The following ELF1 variants were observed in gnomAD, a reference collection of about 807,000 sequenced individuals.
ELF1 encodes the protein ETS-related transcription factor Elf-1.
ELF1 carries 24 observed loss-of-function variants against 59.9 expected under a neutral mutation model. The ratio of observed to expected loss-of-function variants is 0.40; its 90% CI spans 0.29 to 0.56. The LOEUF (loss-of-function observed/expected upper bound fraction) is 0.56. Among genes scored for constraint, ELF1 ranks in the 20% least tolerant of loss-of-function variants. The pLI is 0.44. For missense variants in ELF1, 627 were observed against 742.2 expected (o/e 0.84, Z 1.80); for synonymous variants, 248 against 266.2 (o/e 0.93, Z 0.67).
intron 2 of ELF1, among the ~76,000 whole-genome samples, chr13:40,969,751 G>A (rs1319870794): frequency 6.6e-6 from 1 of 152,114 alleles, no homozygotes; most frequent in African/African-American, 2.4e-5. Context: ...GAGACTCCAG[G>A]CTAGAGTGCA....
chr13:40,956,878 A>C (rs1251245308), intron 3 of ELF1, among the ~76,000 whole-genome samples: 1 of 151,296 alleles, frequency 6.6e-6, no homozygotes, highest in Non-Finnish European at 1.5e-5. Flanking sequence ...TTGTAGTAGA[A>C]ACAGGATTTC....
chr13:40,972,627 T>C (rs1872636813), intron 2 of ELF1, among the ~76,000 whole-genome samples: 1 of 152,220 alleles, frequency 6.6e-6, no homozygotes. Flanking sequence ...GACTGTTCCA[T>C]GTACCATGCT....
chr13:41,060,004 G>T (rs1210125404), intron 1 of ELF1, among the ~76,000 whole-genome samples: 1 of 152,172 alleles, frequency 6.6e-6, no homozygotes, highest in Non-Finnish European at 1.5e-5. Context: ...TAAAGGGAAA[G>T]AAAAAAGATT....
intron 3 of ELF1, among the ~76,000 whole-genome samples, chr13:40,953,929 A>G (rs1357519780): frequency 6.6e-6 from 1 of 152,184 alleles, no homozygotes; most frequent in Non-Finnish European, 1.5e-5. Flanking sequence ...TGATGACTAG[A>G]ACTAGGAAGA....
chr13:41,000,472 C>T (rs1199328242), intron 1 of ELF1, among the ~76,000 whole-genome samples: 4 of 138,054 alleles, frequency 2.9e-5, no homozygotes, highest in South Asian at 4.7e-4. Context: ...TCCGCTTGCT[C>T]GGCCTCCCAA....
intron 1 of ELF1, among the ~76,000 whole-genome samples, chr13:41,011,145 T>C (rs1197810916): frequency 6.6e-6 from 1 of 152,234 alleles, no homozygotes; most frequent in Non-Finnish European, 1.5e-5. Context: ...TCTGGTTAGA[T>C]TCAACAATCT....
At position 41,045,130 on chromosome 13, in the gene ELF1, C is replaced by T. The variant is rs188503619; in HGVS notation, c.-229+15708G>A. 9.4e-4 allele frequency among the ~76,000 whole-genome samples: 143 copies of T among 151,940 alleles called. 1 individual carries two copies. Among genetic ancestry groups the T allele is most frequent in the African/African-American group, 3.4e-3 (140 of 41,440 alleles). On this transcript the variant is annotated intron_variant, in intron 1 of 1. Coordinates refer to the ELF1 transcript ENST00000405737. ...ATGGTAGTTTTCATTTCTGTGGTAT[C>T]AGTTGTGATATCCCCTTTATCATTT...
Position 41,047,279 on chromosome 13 carries a change from G to T in ELF1, c.-229+13559C>A, listed in dbSNP as rs555294002. Among the ~76,000 whole-genome samples the T allele has an allele frequency of 2.6e-5, 4 of 152,290 alleles. No homozygotes were observed. The East Asian group carries it at 7.7e-4, about 29-fold the overall frequency. On this transcript the variant is annotated intron_variant, in intron 1 of 1. Transcript: ENST00000405737. The stretch of plus-strand genomic sequence containing the variant: ...GTCTGAAGCCTTCTTCTCTCAACTC[G>T]TCAAAGTCATTCTCCGTCCAGCTTT...
chr13:41,017,868 T>C (rs1875502594), intron 1 of ELF1, among the ~76,000 whole-genome samples: 1 of 152,186 alleles, frequency 6.6e-6, no homozygotes, highest in Non-Finnish European at 1.5e-5. Context: ...AGCTTTTGCT[T>C]ACTCAAAGGC....
intron 1 of ELF1, among the ~76,000 whole-genome samples, chr13:41,005,507 C>CT (rs1431832293): frequency 4.8e-5 from 7 of 146,416 alleles, no homozygotes; most frequent in African/African-American, 1.8e-4. Context: ...AAGCAACTGA[C>CT]TATCAACAAA....
At chr13:41,060,944 C>CGCCGCCGCTGCT in exon 1 of ELF1, 1 of 265,164 alleles carries the variant, frequency 3.8e-6, no homozygotes, top group African/African-American at 2.3e-5. Flanking sequence ...CCGCCGCCGC[C>CGCCGCCGCTGCT]GCTGCTGCTG....
At chr13:40,992,849 C>T in intron 1 of ELF1, 1 of 554,762 alleles carries the variant, frequency 1.8e-6, no homozygotes, top group South Asian at 2.1e-5. Flanking sequence ...ACCTCTCTAA[C>T]TCAAGAATTC....
intron 2 of ELF1, among the ~76,000 whole-genome samples, chr13:40,977,536 T>C (rs1040396760): frequency 6.6e-6 from 1 of 152,170 alleles, no homozygotes; most frequent in Non-Finnish European, 1.5e-5. Flanking sequence ...ACCCTATTAA[T>C]AGTGTCAGTT....
intron 1 of ELF1, among the ~76,000 whole-genome samples, chr13:41,003,325 C>T (rs1241176751): frequency 6.6e-6 from 1 of 152,142 alleles, no homozygotes; most frequent in African/African-American, 2.4e-5. Flanking sequence ...AACAAAATAA[C>T]TATTTGGTTC....
At chr13:41,001,523 A>G (rs1464169082) in intron 1 of ELF1, among the ~76,000 whole-genome samples, 2 of 152,204 alleles carry the variant, frequency 1.3e-5, no homozygotes, top group Middle Eastern at 3.2e-3. Flanking sequence ...AAGTCTTCAA[A>G]ATAGAATATA....
chr13:40,967,438 GAAT>G (rs1395692589), intron 2 of ELF1, among the ~76,000 whole-genome samples: 1 of 152,146 alleles, frequency 6.6e-6, no homozygotes, highest in Non-Finnish European at 1.5e-5. Flanking sequence ...ATTGTTGTAA[GAAT>G]AATGTGTAAA....
At chr13:40,995,483 T>C (rs1475655358) in intron 1 of ELF1, among the ~76,000 whole-genome samples, 2 of 152,016 alleles carry the variant, frequency 1.3e-5, no homozygotes, top group Middle Eastern at 3.2e-3. Flanking sequence ...CTATAACCTA[T>C]AGTAATCAAG....
intron 1 of ELF1, among the ~76,000 whole-genome samples, chr13:41,018,051 CT>C (rs1281813380): frequency 6.6e-6 from 1 of 152,198 alleles, no homozygotes; most frequent in Non-Finnish European, 1.5e-5. Flanking sequence ...TCCCTTTAAT[CT>C]GACAGGCCTT....
rs9532686 is a variant in ELF1 at position 40,955,240 on chromosome 13, A to C, written c.253+3596T>G. On this transcript the variant is annotated intron_variant, in intron 3 of 8. Transcript: ENST00000239882. ...CCACTCCGTCTGGGAAGTGAGGAGC[A>C]TCTCCGCCTGGCAGCCACCCCGTCT... Among the ~76,000 whole-genome samples the C allele has an allele frequency of 1.8e-3, 258 of 140,030 alleles. 6 individuals carry two copies. The highest frequency in any genetic ancestry group is 6.6e-3 in the African/African-American group (246 of 37,304). The allele number at this position is 140,030 out of a possible 152,430, so 91.9% of individuals were successfully genotyped here. A position where few individuals can be genotyped will look rare whatever the true frequency, so the allele number is the denominator to read the frequency against.
Sources: allele counts gnomAD v4.1 joint callset (sites outside exome capture counted in the v4.1 genomes callset), GRCh38; gene constraint gnomAD v4.1.1; transcripts MANE v1.5; gene names NCBI Gene and HGNC (gene_info 2026-07-23, HGNC 2026-07-21).